The following ORC2 variants were observed in gnomAD, a reference collection of about 807,000 sequenced individuals.
The protein encoded by ORC2 is origin recognition complex protein 2 homolog.
In ORC2, 37 loss-of-function variants were observed where a neutral mutation model predicts 77.7. The observed-to-expected ratio is 0.48, with a 90% CI of 0.37 to 0.63. ORC2 has a LOEUF of 0.63. Among genes scored for constraint, ORC2 ranks in the 20% least tolerant of loss-of-function variants. The probability of loss-of-function intolerance (pLI) is 0.00; values close to 1 mark genes in which losing one functional copy is unlikely to be tolerated. For synonymous variants in ORC2, 201 were observed against 229.5 expected, an observed-to-expected ratio of 0.88 and a Z score of 1.12; for missense variants, 557 against 661.9, an observed-to-expected ratio of 0.84 and a Z score of 1.74.
chr2:200,948,148 T>C (rs2041285844), intron 5 of ORC2, among the ~76,000 whole-genome samples: 1 of 151,910 alleles, frequency 6.6e-6, no homozygotes, highest in Non-Finnish European at 1.5e-5. Flanking sequence ...CTTCTGACCT[T>C]GTGATCCACC....
intron 3 of ORC2, 60 bp from the exon 4 acceptor site, chr2:200,957,604 T>C: frequency 8.3e-7 from 1 of 1,197,622 alleles, no homozygotes; most frequent in Non-Finnish European, 1.1e-6. Context: ...AAACATTACA[T>C]TTAAATAAGA....
chr2:200,963,277 C>T, intron 1 of ORC2: 1 of 396,312 alleles, frequency 2.5e-6, no homozygotes, highest in Non-Finnish European at 4.4e-6. Context: ...GGCTGCGCTC[C>T]ACCAGTAAGG....
At chr2:200,955,303 C>A (rs1324241157) in intron 4 of ORC2, among the ~76,000 whole-genome samples, 1 of 152,156 alleles carries the variant, frequency 6.6e-6, no homozygotes, top group African/African-American at 2.4e-5. Context: ...TAGCTGTGGA[C>A]ACATAGGAGA....
Position 200,933,892 on chromosome 2 carries a change from C to T in ORC2, c.791G>A (p.Arg264Lys). ...GTAACATACCTGATCCAGTTTAGCT[C>T]TCTTTAGCTTCTGCAGTGTTCTATC... ...TSDRTLQKLK[R>K]AKLDQQTLRN... Residue 264 changes from arginine to lysine, a missense_variant, in exon 10 of 18, where the codon AGA becomes AAA. Physicochemically the swap from Arg to Lys is conservative, Grantham distance 26. Coordinates refer to ENST00000234296, the MANE Select transcript of ORC2 (RefSeq NM_006190.5). The T allele has an allele frequency of 6.2e-7, 1 of 1,603,610 alleles. No homozygotes were observed. The highest frequency in any genetic ancestry group is 8.5e-7 in the Non-Finnish European group (1 of 1,173,888).
chr2:200,924,828 G>C (rs537475466), intron 13 of ORC2, among the ~76,000 whole-genome samples: 19 of 152,148 alleles, frequency 1.2e-4, no homozygotes, highest in African/African-American at 4.6e-4. Context: ...GTATGATCTT[G>C]GCTCACTGCA....
intron 10 of ORC2, among the ~76,000 whole-genome samples, chr2:200,932,538 C>G (rs568671212): frequency 5.3e-5 from 8 of 152,148 alleles, no homozygotes; most frequent in African/African-American, 1.9e-4. Context: ...TGGGGTTTCA[C>G]CATGTTGGGC....
In ORC2 at chr2:200,936,483, T is replaced by C. The variant is rs958785790; in HGVS notation, c.515-591A>G. ...CAATATGAAGTATCAAACCTAAAGA[T>C]GAAAAATGCTGGTGGCAGAGTAAAA... On this transcript the variant is annotated intron_variant, in intron 8 of 17. Coordinates refer to ENST00000234296, the MANE Select transcript of ORC2 (RefSeq NM_006190.5). 4.6e-5 allele frequency among the ~76,000 whole-genome samples: 7 copies of C among 152,134 alleles called. No individual in the cohort carries two copies. In the East Asian group the frequency reaches 7.7e-4, roughly 17 times the overall value.
intron 4 of ORC2, among the ~76,000 whole-genome samples, chr2:200,951,844 TCTCA>T: frequency 6.6e-6 from 1 of 152,370 alleles, no homozygotes; most frequent in South Asian, 2.1e-4. Context: ...TCTGTAGTCT[TCTCA>T]CTTTCTTGAG....
At chr2:200,935,511 G>A (rs1238624835) in intron 9 of ORC2, among the ~76,000 whole-genome samples, 188 bp downstream of exon 9, 1 of 152,224 alleles carries the variant, frequency 6.6e-6, no homozygotes, top group African/African-American at 2.4e-5. Flanking sequence ...TCATGAATAT[G>A]TAGACAGGCC....
chr2:200,949,386 C>A (rs1418992824), intron 5 of ORC2, among the ~76,000 whole-genome samples, 168 bp downstream of exon 5: 4 of 152,032 alleles, frequency 2.6e-5, no homozygotes, highest in African/African-American at 9.7e-5. Context: ...CTTAATTGTG[C>A]TTAATATAAC....
chr2:200,921,423 T>TG (rs2040760360), intron 13 of ORC2: 1 of 207,418 alleles, frequency 4.8e-6, no homozygotes, highest in South Asian at 1.7e-4. Flanking sequence ...ATCACAGACG[T>TG]GAACCACCAT....
intron 1 of ORC2, among the ~76,000 whole-genome samples, chr2:200,960,222 C>G (rs185201437): frequency 6.6e-6 from 1 of 152,184 alleles, no homozygotes; most frequent in East Asian, 1.9e-4. Context: ...AAGCGATCTA[C>G]CCACCTCTAC....
intron 3 of ORC2, 113 bp downstream of exon 3, chr2:200,957,917 C>A: frequency 3.2e-6 from 2 of 620,458 alleles, no homozygotes; most frequent in South Asian, 2.6e-5. Context: ...TTTTACTAAC[C>A]AGATCAATCC....
intron 4 of ORC2, among the ~76,000 whole-genome samples, chr2:200,952,655 A>C (rs2041383779): frequency 6.6e-6 from 1 of 152,178 alleles, no homozygotes; most frequent in Non-Finnish European, 1.5e-5. Flanking sequence ...TAAGGTGAGA[A>C]TGAGAAACTG....
intron 13 of ORC2, among the ~76,000 whole-genome samples, chr2:200,925,099 A>G (rs2040821015): frequency 6.6e-6 from 1 of 152,208 alleles, no homozygotes; most frequent in African/African-American, 2.4e-5. Flanking sequence ...CAATATAAAA[A>G]TATCAGACAA....
chr2:200,946,750 TC>T (rs1478224313), intron 5 of ORC2, among the ~76,000 whole-genome samples: 5 of 152,186 alleles, frequency 3.3e-5, no homozygotes, highest in African/African-American at 1.2e-4. Flanking sequence ...TTCTCCTCTT[TC>T]TCCAGTGGTA....
intron 17 of ORC2, 126 bp downstream of exon 17, chr2:200,913,169 A>G (rs2124924142): frequency 1.6e-6 from 1 of 622,410 alleles, no homozygotes; most frequent in South Asian, 2.0e-5. Context: ...CATCCCCTAA[A>G]TGAATCTCTG....
At chr2:200,942,979 C>A (rs939914411) in intron 5 of ORC2, 5 of 372,806 alleles carry the variant, frequency 1.3e-5, no homozygotes, top group East Asian at 4.2e-5. Context: ...TCATATTACC[C>A]ACAGATTTCT....
Position 200,913,337 on chromosome 2 carries a change from C to T in ORC2, c.1605G>A (p.Gln535=). The T allele has an allele frequency of 6.2e-7, 1 of 1,601,052 alleles. No individual in the cohort carries two copies. Among genetic ancestry groups the T allele is most frequent in the African/African-American group, 1.3e-5 (1 of 74,686 alleles). The change falls in exon 17 of 18, where the codon CAG becomes CAA. Residue 535 remains glutamine (Q), a synonymous_variant. Coordinates refer to ENST00000234296, the MANE Select transcript of ORC2 (RefSeq NM_006190.5). The part of the protein sequence containing the change: ...LVNSDLTLRA[Q]LTEFRDHKLI... ...GCTTGTGGTCCCTAAATTCAGTTAA[C>T]TGGGCCCGGAGTGTCAGATCACTAT...
Sources: allele counts gnomAD v4.1 joint callset (sites outside exome capture counted in the v4.1 genomes callset), GRCh38; gene constraint gnomAD v4.1.1; transcripts MANE v1.5; gene names NCBI Gene and HGNC (gene_info 2026-07-23, HGNC 2026-07-21).